BARX2: variants seen among roughly 807,000 people sequenced by gnomAD.
BARX2 encodes the protein BARX homeobox 2, also known as homeobox protein BarH-like 2.
A neutral mutation model predicts 25.5 loss-of-function variants in BARX2; 11 were observed. The observed-to-expected ratio is 0.43, with a 90% CI of 0.27 to 0.71. The LOEUF is 0.71. Among genes scored for constraint, BARX2 ranks in the 30% least tolerant of loss-of-function variants. The probability of loss-of-function intolerance (pLI) is 0.19; values close to 1 mark genes in which losing one functional copy is unlikely to be tolerated. For missense variants in BARX2, 360 were observed against 359.9 expected (o/e 1.00, Z 0.00); for synonymous variants, 137 against 149.5 (o/e 0.92, Z 0.61).
chr11:129,375,584 T>G, upstream of BARX2, among the ~76,000 whole-genome samples: 1 of 151,230 alleles, frequency 6.6e-6, no homozygotes. This position sits in a 1 kb window ranked among gnomAD's most constrained non-coding sequence, Gnocchi z 4.0. Context: ...CTGGAGCGCG[T>G]CCCGGGGGGG....
intron 1 of BARX2, among the ~76,000 whole-genome samples, chr11:129,393,335 TTTC>T (rs1328952308): frequency 6.6e-6 from 1 of 152,164 alleles, no homozygotes; most frequent in Non-Finnish European, 1.5e-5. Flanking sequence ...GACTCAAGAA[TTTC>T]TTATTTTGAA....
intron 2 of BARX2, among the ~76,000 whole-genome samples, chr11:129,441,260 C>T (rs115429174): frequency 0.017 from 2,628 of 152,210 alleles, 59 homozygotes; most frequent in African/African-American, 0.059. Context: ...AGCCCCAATG[C>T]AGGAGCTGGT....
At chr11:129,410,743 G>A (rs1861878199) in intron 1 of BARX2, among the ~76,000 whole-genome samples, 1 of 152,174 alleles carries the variant, frequency 6.6e-6, no homozygotes, top group South Asian at 2.1e-4. Context: ...CTGCCAGCAG[G>A]TGGGGTGAAG....
chr11:129,424,752 A>T (rs111307830), intron 1 of BARX2, among the ~76,000 whole-genome samples: 1,534 of 152,348 alleles, frequency 0.01, 27 homozygotes, highest in African/African-American at 0.034. Flanking sequence ...AATGATGATG[A>T]CAGTGAACCA....
chr11:129,452,236 A>C lies in BARX2; in HGVS notation c.*834A>C, dbSNP rs2135420425. ...CTGAAACTGCAATGCAGATATGTTCAGATAACTTTTATTTTTTAATTAAAA... is the reference window on the plus strand; with the variant it reads ...CTGAAACTGCAATGCAGATATGTTCCGATAACTTTTATTTTTTAATTAAAA... On this transcript the variant is annotated 3_prime_UTR_variant, in exon 4 of 4. Coordinates refer to ENST00000281437, the MANE Select transcript of BARX2 (RefSeq NM_003658.5). The C allele has an allele frequency of 6.6e-6, 1 of 152,354 alleles. No homozygotes were observed. Among genetic ancestry groups the C allele is most frequent in the South Asian group, 2.1e-4 (1 of 4,828 alleles). The allele number at this position is 152,354 out of a possible 1,614,324, so 9.4% of individuals were successfully genotyped here.
At chr11:129,392,022 A>C (rs1023397967) in intron 1 of BARX2, among the ~76,000 whole-genome samples, 3 of 152,218 alleles carry the variant, frequency 2.0e-5, no homozygotes, top group Non-Finnish European at 4.4e-5. Flanking sequence ...TCTGTCCTGA[A>C]GGGCTTGCAT....
intron 1 of BARX2, among the ~76,000 whole-genome samples, chr11:129,434,421 TAAAAAAAAAAA>T (rs56344103): frequency 1.3e-5 from 1 of 76,378 alleles, no homozygotes; most frequent in Non-Finnish European, 2.4e-5. Flanking sequence ...AAAAAGTAAG[TAAAAAAAAAAA>T]AAAAAAAAAA....
At chr11:129,397,411 G>T (rs1371959756) in intron 1 of BARX2, among the ~76,000 whole-genome samples, 2 of 152,110 alleles carry the variant, frequency 1.3e-5, no homozygotes, top group African/African-American at 4.8e-5. Context: ...TGTATAGGTG[G>T]CTATGATTAT....
chr11:129,390,076 T>C lies in BARX2; in HGVS notation c.187+13854T>C, dbSNP rs1021829120. On this transcript the variant is annotated intron_variant, in intron 1 of 3. Coordinates refer to ENST00000281437, the MANE Select transcript of BARX2 (RefSeq NM_003658.5). The surrounding 1 kb of genome is among the most constrained non-coding windows in gnomAD (Gnocchi z 4.3). Reference sequence around the variant, plus strand: ...GTGTCTTATGAAGTTTAGTATCTGCTGGTGAAATACTTTAATTGATGAATC... The same window carrying C: ...GTGTCTTATGAAGTTTAGTATCTGCCGGTGAAATACTTTAATTGATGAATC... Among the ~76,000 whole-genome samples the C allele has an allele frequency of 1.1e-4, 16 of 152,214 alleles. No homozygotes were observed. The highest frequency in any genetic ancestry group is 3.9e-4 in the African/African-American group (16 of 41,456).
At chr11:129,418,523 T>C (rs1467173370) in intron 1 of BARX2, among the ~76,000 whole-genome samples, 1 of 152,240 alleles carries the variant, frequency 6.6e-6, no homozygotes, top group African/African-American at 2.4e-5. Flanking sequence ...TTCCTTTATC[T>C]TGTAGAAGTT....
At chr11:129,408,980 C>T (rs1181086352) in intron 1 of BARX2, among the ~76,000 whole-genome samples, 1 of 152,076 alleles carries the variant, frequency 6.6e-6, no homozygotes, top group African/African-American at 2.4e-5. Context: ...CTTTGTTGCC[C>T]TCAAACTAAT....
At chr11:129,441,473 A>C (rs1299277291) in intron 2 of BARX2, among the ~76,000 whole-genome samples, 1 of 152,024 alleles carries the variant, frequency 6.6e-6, no homozygotes, top group East Asian at 1.9e-4. Flanking sequence ...TATTTTGACA[A>C]TGTCTCACTC....
At chr11:129,433,993 C>G (rs998946439) in intron 1 of BARX2, among the ~76,000 whole-genome samples, 2 of 152,036 alleles carry the variant, frequency 1.3e-5, no homozygotes, top group Non-Finnish European at 2.9e-5. Flanking sequence ...GGATTGAATG[C>G]AGGATTAGAT....
At chr11:129,394,813 G>A (rs1407614258) in intron 1 of BARX2, among the ~76,000 whole-genome samples, 1 of 152,120 alleles carries the variant, frequency 6.6e-6, no homozygotes, top group Non-Finnish European at 1.5e-5. Context: ...GACTGGAAAA[G>A]TAATGTTTAT....
At chr11:129,447,382 G>T (rs111856140) in intron 3 of BARX2, among the ~76,000 whole-genome samples, 180 of 152,336 alleles carry the variant, frequency 1.2e-3, no homozygotes, top group African/African-American at 4.1e-3. Flanking sequence ...AGAGGCAGAA[G>T]GAGGCATGTG....
chr11:129,393,676 A>C (rs989575676), intron 1 of BARX2, among the ~76,000 whole-genome samples: 1 of 152,186 alleles, frequency 6.6e-6, no homozygotes, highest in African/African-American at 2.4e-5. Flanking sequence ...TATGATTTAA[A>C]TGAATTTTAT....
At chr11:129,416,250 G>C (rs1231486136) in intron 1 of BARX2, among the ~76,000 whole-genome samples, 1 of 152,218 alleles carries the variant, frequency 6.6e-6, no homozygotes, top group Non-Finnish European at 1.5e-5. Context: ...TCGTGTCGTA[G>C]ATTGTTGACC....
intron 1 of BARX2, among the ~76,000 whole-genome samples, chr11:129,387,844 C>T (rs192989552): frequency 6.2e-4 from 95 of 152,174 alleles, no homozygotes; most frequent in Middle Eastern, 3.4e-3. Context: ...ACCACGTGCC[C>T]GGCACTGTGC....
At position 129,451,271 on chromosome 11, in the gene BARX2, T is replaced by C; in HGVS notation, c.709T>C (p.Ser237Pro). 1 of 1,614,100 alleles carries C rather than the reference T, an allele frequency of 6.2e-7. No homozygotes were observed. Among genetic ancestry groups the C allele is most frequent in the Non-Finnish European group, 8.5e-7 (1 of 1,180,010 alleles). ...QAQGQEQLEPSQGQEELCEAQ... is the reference protein window; with the variant it reads ...QAQGQEQLEPPQGQEELCEAQ... ...CCAGGGTCAGGAGCAGCTGGAGCCC[T>C]CTCAGGGGCAGGAGGAGCTCTGTGA... The change falls in exon 4 of 4, where the codon TCT becomes CCT. Residue 237 changes from serine (S) to proline (P), a missense_variant. By Grantham distance (74) the Ser-to-Pro change is moderately conservative. This residue lies in a region of BARX2 where 114 missense variants were observed against 109.4 expected (regional missense o/e 1.04). Coordinates refer to ENST00000281437, the MANE Select transcript of BARX2 (RefSeq NM_003658.5).
Sources: allele counts gnomAD v4.1 joint callset (sites outside exome capture counted in the v4.1 genomes callset), GRCh38; gene constraint gnomAD v4.1.1; regional missense constraint gnomAD v4.1.1; non-coding constraint Gnocchi (gnomAD v3.1); transcripts MANE v1.5; gene names NCBI Gene and HGNC (gene_info 2026-07-23, HGNC 2026-07-21).